The following NOTUM variants were observed in gnomAD, a reference collection of about 807,000 sequenced individuals.
The protein encoded by NOTUM is notum, palmitoleoyl-protein carboxylesterase.
In NOTUM, 36 loss-of-function variants were observed where a neutral mutation model predicts 65.5. The observed-to-expected ratio is 0.55, with a 90% confidence interval of 0.42 to 0.73. The LOEUF is 0.73. NOTUM is among the 30% of genes least tolerant of loss of function. The pLI is 0.00. For missense variants in NOTUM, 659 were observed against 694.2 expected (o/e 0.95, Z 0.57); for synonymous variants, 356 against 297.9 (o/e 1.20, Z -2.01).
At chr17:81,959,719 G>T (rs1366399921) in intron 1 of NOTUM, 27 bp from the exon 2 acceptor site, 13 of 1,405,388 alleles carry the variant, frequency 9.3e-6, no homozygotes, top group Non-Finnish European at 1.2e-5. Flanking sequence ...ACCGCGGGGG[G>T]TCGGCCAGGG....
intron 8 of NOTUM, among the ~76,000 whole-genome samples, 183 bp downstream of exon 8, chr17:81,956,467 C>T (rs1424333270): frequency 6.6e-6 from 1 of 152,096 alleles, no homozygotes; most frequent in African/African-American, 2.4e-5. Context: ...CCCTGGTACA[C>T]AGCCGGCCTC....
rs774150655 is a variant in NOTUM, at chr17:81,953,204, C to T, written c.1248G>A (p.Arg416=). 28 of 1,612,774 alleles carry T rather than the reference C, an allele frequency of 1.7e-5. No homozygotes were observed. Among genetic ancestry groups the T allele is most frequent in the South Asian group, 3.3e-5 (3 of 90,990 alleles). ...TGGCCTTGTGGCTGTCATGGAGGCTCCTGTCCCAGCAGTGCAGTGCTCGGG... is the reference window on the plus strand; with the variant it reads ...TGGCCTTGTGGCTGTCATGGAGGCTTCTGTCCCAGCAGTGCAGTGCTCGGG... ...SLPRALHCWD[R]SLHDSHKASK... is the part of the protein sequence containing the mutation. Residue 416 remains arginine, a synonymous_variant, in exon 11 of 11, where the codon AGG becomes AGA. Coordinates refer to ENST00000409678, the MANE Select transcript of NOTUM (RefSeq NM_178493.6).
chr17:81,959,001 G>A lies in NOTUM; in HGVS notation c.473-6C>T. On this transcript the variant is annotated splice_region_variant and splice_polypyrimidine_tract_variant and intron_variant, in intron 3 of 10. Coordinates refer to ENST00000409678, the MANE Select transcript of NOTUM (RefSeq NM_178493.6). ...TGAGGACAGGATCCCTGTGCCTGGG[G>A]ACACAGAGGCGGTGGGTCTTTCTAG... 6.2e-7 allele frequency: 1 copy of A among 1,612,400 alleles called. No homozygotes were observed. The highest frequency in any genetic ancestry group is 8.5e-7 in the Non-Finnish European group (1 of 1,179,244).
chr17:81,959,798 G>A lies in NOTUM; in HGVS notation c.324-106C>T, dbSNP rs918304613. On this transcript the variant is annotated intron_variant, in intron 1 of 10. Coordinates refer to ENST00000409678, the MANE Select transcript of NOTUM (RefSeq NM_178493.6). Reference sequence around the variant, plus strand: ...AACGCGCCACCTGTTCCGGCCGCGCGCGACGGTCGCACGGGGGCGCCCTCG... The same window carrying A: ...AACGCGCCACCTGTTCCGGCCGCGCACGACGGTCGCACGGGGGCGCCCTCG... 7.1e-5 allele frequency: 41 copies of A among 574,392 alleles called. No individual in the cohort carries two copies. The African/African-American group carries it at 7.5e-4, about 10-fold the overall frequency. 35.6% of individuals were successfully genotyped at this position (574,392 alleles called of 1,614,324 possible). A position where few individuals can be genotyped will look rare whatever the true frequency, so the allele number is the denominator to read the frequency against.
chr17:81,959,626 A>G lies in NOTUM; in HGVS notation c.376+14T>C, dbSNP rs1178644524. ...CAGACCCCCGGCCTCCCCCCGCCTCAGCCCTGGACGCACCTTCCAGGAAGA... is the reference window on the plus strand; with the variant it reads ...CAGACCCCCGGCCTCCCCCCGCCTCGGCCCTGGACGCACCTTCCAGGAAGA... On this transcript the variant is annotated intron_variant, in intron 2 of 10. Transcript: ENST00000409678. The G allele has an allele frequency of 6.5e-6, 10 of 1,544,620 alleles. No homozygotes were observed. Among genetic ancestry groups the G allele is most frequent in the Non-Finnish European group, 8.7e-6 (10 of 1,144,706 alleles).
At position 81,958,333 on chromosome 17, in the gene NOTUM, A is replaced by T; in HGVS notation, c.592+2T>A. 1 of 1,602,484 alleles carries T rather than the reference A, an allele frequency of 6.2e-7. No homozygotes were observed. The highest frequency in any genetic ancestry group is 8.5e-7 in the Non-Finnish European group (1 of 1,171,156). On this transcript the variant is annotated splice_donor_variant, in intron 5 of 10. Coordinates refer to ENST00000409678, the MANE Select transcript of NOTUM (RefSeq NM_178493.6). LOFTEE classifies it high-confidence loss of function. ...CCATGCCCTGGGAAGGCCGAGACTC[A>T]CTCTTCTCAGACTTGGATGAAGCCC...
At chr17:81,956,139 T>C (rs1450728271) in intron 8 of NOTUM, among the ~76,000 whole-genome samples, 1 of 152,242 alleles carries the variant, frequency 6.6e-6, no homozygotes, top group Non-Finnish European at 1.5e-5. Flanking sequence ...CTGCCTTTCC[T>C]TGAAGACGGG....
In NOTUM at chr17:81,954,265, A is replaced by G; in HGVS notation, c.1175T>C (p.Ile392Thr). 1 of 1,612,578 alleles carries G rather than the reference A, an allele frequency of 6.2e-7. No individual in the cohort carries two copies. The highest frequency in any genetic ancestry group is 8.5e-7 in the Non-Finnish European group (1 of 1,178,606). The change falls in exon 10 of 11, where the codon ATC becomes ACC. Residue 392 changes from isoleucine (I) to threonine (T), a missense_variant. Physicochemically the swap from Ile to Thr is moderately conservative, Grantham distance 89. Transcript: ENST00000409678. The part of the protein sequence containing the change: ...FAPACLSHEI[I>T]IRSHWTDVQV... ...GAGCAGGGACACTGACCTCCGGATG[A>G]TGATCTCATGGGAGAGGCAGGCGGG...
Position 81,960,957 on chromosome 17 carries a change from G to GGCGGCA in NOTUM, c.-49_-48insTGCCGC. The GGCGGCA allele has an allele frequency of 9.0e-7, 1 of 1,111,654 alleles. No homozygotes were observed. The highest frequency in any genetic ancestry group is 1.1e-6 in the Non-Finnish European group (1 of 892,022). 68.9% of individuals were successfully genotyped at this position (1,111,654 alleles called of 1,614,324 possible). On this transcript the variant is annotated 5_prime_UTR_variant, in exon 1 of 11. Transcript: ENST00000409678. The surrounding 1 kb of genome is among the most constrained non-coding windows in gnomAD (Gnocchi z 6.4). ...CGGGCGGCCTTGAGGCGGCGGCGGC[G>GGCGGCA]GCGGCGGGGGATGCCGGGCCGGGGG...
Position 81,957,943 on chromosome 17 carries a change from C to T in NOTUM, c.593-35G>A, listed in dbSNP as rs2041445694. 2.7e-6 allele frequency: 4 copies of T among 1,479,808 alleles called. 1 individual carries two copies. In the Admixed American group the frequency reaches 7.6e-5, roughly 28 times the overall value. 91.7% of individuals were successfully genotyped at this position (1,479,808 alleles called of 1,614,324 possible). ...GGAGGGGGTGGCCTCAGGTAGGGGC[C>T]TGGACAGAGAGAACCACCTCCTACC... On this transcript the variant is annotated intron_variant, in intron 5 of 10. Coordinates refer to ENST00000409678, the MANE Select transcript of NOTUM (RefSeq NM_178493.6).
Position 81,959,664 on chromosome 17 carries a change from G to A in NOTUM, c.352C>T (p.Arg118Trp). 6.5e-7 allele frequency: 1 copy of A among 1,543,268 alleles called. No individual in the cohort carries two copies. Among genetic ancestry groups the A allele is most frequent in the Non-Finnish European group, 8.7e-7 (1 of 1,145,140 alleles). The change falls in exon 2 of 11, where the codon CGG (arginine) becomes TGG (tryptophan). Residue 118 changes from arginine to tryptophan, a missense_variant. By Grantham distance (101) the Arg-to-Trp change is moderately radical (BLOSUM62 -3). Transcript: ENST00000409678. ...CCTTCCAGGAAGAGGAGCCACCGCC[G>A]GCTGCCCCTGGACTCCTTCAGGTAG... ...GYYLKESRGSRRWLLFLEGGW... is the reference protein window; with the variant it reads ...GYYLKESRGSWRWLLFLEGGW...
chr17:81,958,965 T>C lies in NOTUM; in HGVS notation c.503A>G (p.Glu168Gly). ...GTGILSSQPE[E>G]NPYWWNANMV... ...GTTTGCGTTCCACCAGTAGGGGTTC[T>C]CCTCCGGCTGTGAGGACAGGATCCC... The change falls in exon 4 of 11, where the codon GAG becomes GGG. Residue 168 changes from glutamate (E) to glycine (G), a missense_variant. Glu to Gly is a moderately conservative substitution (Grantham distance 98). Coordinates refer to ENST00000409678, the MANE Select transcript of NOTUM (RefSeq NM_178493.6). 6.2e-7 allele frequency: 1 copy of C among 1,613,010 alleles called. No homozygotes were observed.
intron 2 of NOTUM, 35 bp downstream of exon 2, chr17:81,959,604 AC>A: frequency 6.5e-7 from 1 of 1,543,164 alleles, no homozygotes; most frequent in Non-Finnish European, 8.7e-7. Flanking sequence ...GCGCGCACAG[AC>A]CCCCGGCCTC....
intron 6 of NOTUM, among the ~76,000 whole-genome samples, chr17:81,957,345 G>A (rs1226316464): frequency 2.6e-5 from 4 of 152,038 alleles, no homozygotes; most frequent in East Asian, 1.9e-4. Context: ...TTTACCTCAG[G>A]TTCCTTATCT....
intron 9 of NOTUM, 104 bp downstream of exon 9, chr17:81,955,293 A>ATT: frequency 2.8e-6 from 3 of 1,080,098 alleles, no homozygotes; most frequent in Non-Finnish European, 2.6e-6. Flanking sequence ...CAAGACCTCT[A>ATT]TTTTTTTTTG....
intron 4 of NOTUM, among the ~76,000 whole-genome samples, chr17:81,958,653 G>A (rs1283587833): frequency 6.6e-6 from 1 of 151,496 alleles, no homozygotes; most frequent in Non-Finnish European, 1.5e-5. Flanking sequence ...TCCCAGGACA[G>A]GATCCCCCTG....
At position 81,958,402 on chromosome 17, in the gene NOTUM, CAG is replaced by C. The variant is rs763332421; in HGVS notation, c.534-11_534-10del. On this transcript the variant is annotated splice_polypyrimidine_tract_variant and intron_variant, in intron 4 of 10. Transcript: ENST00000409678. ...AGCAGTAGGGGATGAAGCTGCAACA[CAG>C]AACAGAGTGAGCCTGTCACAGCGCC... The C allele has an allele frequency of 1.2e-6, 2 of 1,603,994 alleles. No individual in the cohort carries two copies. Among genetic ancestry groups the C allele is most frequent in the Admixed American group, 3.3e-5 (2 of 59,996 alleles).
chr17:81,957,664 T>C, intron 6 of NOTUM, 142 bp downstream of exon 6: 1 of 637,414 alleles, frequency 1.6e-6, no homozygotes, highest in Non-Finnish European at 2.8e-6. Flanking sequence ...AGCTCCAGCC[T>C]CTCACCCTCC....
At chr17:81,953,329 TG>T in intron 10 of NOTUM, 62 bp from the exon 11 acceptor site, 2 of 1,144,286 alleles carry the variant, frequency 1.7e-6, no homozygotes, top group South Asian at 1.5e-5. Context: ...CTGAGGCAGC[TG>T]TTTTTTTTTT....
Sources: allele counts gnomAD v4.1 joint callset (sites outside exome capture counted in the v4.1 genomes callset), GRCh38; gene constraint gnomAD v4.1.1; non-coding constraint Gnocchi (gnomAD v3.1); transcripts MANE v1.5; gene names NCBI Gene and HGNC (gene_info 2026-07-23, HGNC 2026-07-21).